The following SUSD1 variants were observed in gnomAD, a reference collection of about 807,000 sequenced individuals.
The protein encoded by SUSD1 is sushi domain containing 1.
A neutral mutation model predicts 86.9 loss-of-function variants in SUSD1; 65 were observed. The observed-to-expected ratio is 0.75, with a 90% confidence interval of 0.61 to 0.92. The LOEUF is 0.92. Ranked by LOEUF, SUSD1 falls within the 40% of genes least tolerant of loss-of-function variation. SUSD1 has a pLI of 0.00. For missense variants in SUSD1, 850 were observed against 929.7 expected (o/e 0.91, Z 1.11); for synonymous variants, 346 against 350.0 (o/e 0.99, Z 0.13).
rs1589562132 is a variant in SUSD1, at chr9:112,041,805, G to C, written c.2243+62C>G. Reference sequence around the variant, plus strand: ...CTCCCCTCATCCCCAGCTGTTCTTCGTGACTCTGACCCATCCTCCCCTCCA... The same window carrying C: ...CTCCCCTCATCCCCAGCTGTTCTTCCTGACTCTGACCCATCCTCCCCTCCA... On this transcript the variant is annotated intron_variant, in intron 16 of 16. Coordinates refer to ENST00000374270, the MANE Select transcript of SUSD1 (RefSeq NM_022486.5). 4.0e-6 allele frequency: 6 copies of C among 1,516,560 alleles called. 1 individual carries two copies. Among genetic ancestry groups the C allele is most frequent in the East Asian group, 2.4e-5 (1 of 41,586 alleles). The allele number at this position is 1,516,560 out of a possible 1,614,324, so 93.9% of individuals were successfully genotyped here.
rs761116149 is a variant in SUSD1, at chr9:112,098,566, C to G, written c.1378G>C (p.Asp460His). The change falls in exon 10 of 17, where the codon GAT becomes CAT. Residue 460 changes from aspartate (D) to histidine (H), a missense_variant. Physicochemically the swap from Asp to His is moderately conservative, Grantham distance 81 (BLOSUM62 -1). Transcript: ENST00000374270. ...TREQVPVVCL[D>H]LYPTTDYTVN... is the part of the protein sequence containing the mutation. ...GTATAATCAGTCGTAGGGTACAGAT[C>G]CAAACACACTACAGGCACTTGTTCC... 2 of 1,614,150 alleles carry G rather than the reference C, an allele frequency of 1.2e-6. No individual in the cohort carries two copies. Among genetic ancestry groups the G allele is most frequent in the South Asian group, 1.1e-5 (1 of 91,084 alleles).
At chr9:112,092,518 A>G (rs1220448133) in intron 10 of SUSD1, among the ~76,000 whole-genome samples, 1 of 152,184 alleles carries the variant, frequency 6.6e-6, no homozygotes, top group Non-Finnish European at 1.5e-5. Flanking sequence ...CTCAAACCTA[A>G]ATTTTAGAGG....
chr9:112,140,459 G>C (rs1404933715), intron 5 of SUSD1, among the ~76,000 whole-genome samples: 1 of 151,134 alleles, frequency 6.6e-6, no homozygotes, highest in East Asian at 1.9e-4. Flanking sequence ...AGGATGGCTT[G>C]AGCCCAGGAG....
chr9:112,173,533 G>C (rs73542604), intron 1 of SUSD1: 7,954 of 294,480 alleles, frequency 0.027, 420 homozygotes, highest in Admixed American at 0.1. Context: ...TACTCTGAAG[G>C]CTTTGTAGGG....
intron 6 of SUSD1, among the ~76,000 whole-genome samples, chr9:112,121,942 T>C (rs994588574): frequency 6.6e-6 from 1 of 152,352 alleles, no homozygotes; most frequent in African/African-American, 2.4e-5. Flanking sequence ...GATCTTCACA[T>C]GAGGCTAACA....
At chr9:112,079,535 C>T (rs182131831) in intron 11 of SUSD1, among the ~76,000 whole-genome samples, 7 of 152,006 alleles carry the variant, frequency 4.6e-5, no homozygotes, top group East Asian at 1.9e-4. Context: ...CCTGACACTT[C>T]GGCCAAGAGA....
At position 112,102,305 on chromosome 9, in the gene SUSD1, GTT is replaced by G; in HGVS notation, c.1172-22_1172-21del. The G allele has an allele frequency of 7.2e-7, 1 of 1,397,732 alleles. No individual in the cohort carries two copies. Among genetic ancestry groups the G allele is most frequent in the Non-Finnish European group, 9.9e-7 (1 of 1,009,852 alleles). The allele number at this position is 1,397,732 out of a possible 1,614,324, so 86.6% of individuals were successfully genotyped here. A position where few individuals can be genotyped will look rare whatever the true frequency, so the allele number is the denominator to read the frequency against. On this transcript the variant is annotated intron_variant, in intron 8 of 16. Coordinates refer to ENST00000374270, the MANE Select transcript of SUSD1 (RefSeq NM_022486.5). ...CAACTTCTAAAAGACAAGAGAGAGA[GTT>G]ATAGACAGCTTGCACCATCTTAGCA...
At chr9:112,165,804 G>A (rs866240948) in intron 1 of SUSD1, among the ~76,000 whole-genome samples, 5 of 128,086 alleles carry the variant, frequency 3.9e-5, no homozygotes, top group Middle Eastern at 4.5e-3. Context: ...AAGAGAGAAA[G>A]AGAGAGAGAG....
At chr9:112,083,458 C>T (rs1371079891) in intron 10 of SUSD1, among the ~76,000 whole-genome samples, 1 of 152,158 alleles carries the variant, frequency 6.6e-6, no homozygotes, top group Non-Finnish European at 1.5e-5. Flanking sequence ...GAACTCCTGA[C>T]CTCAAGTGAT....
intron 2 of SUSD1, among the ~76,000 whole-genome samples, chr9:112,156,841 T>C (rs1008779390): frequency 2.0e-5 from 3 of 152,194 alleles, no homozygotes; most frequent in Non-Finnish European, 2.9e-5. Context: ...TGGGAGGAAA[T>C]TGGAAGATTA....
intron 12 of SUSD1, among the ~76,000 whole-genome samples, chr9:112,066,041 C>T (rs1393584327): frequency 1.8e-4 from 27 of 152,192 alleles, no homozygotes; most frequent in Non-Finnish European, 4.4e-5. Context: ...GAAATCAAGG[C>T]TCAGGCAGGC....
chr9:112,135,964 G>A (rs1832246003), intron 5 of SUSD1, among the ~76,000 whole-genome samples: 1 of 152,144 alleles, frequency 6.6e-6, no homozygotes, highest in African/African-American at 2.4e-5. Flanking sequence ...AAACTTACAC[G>A]GGTCTTTCTG....
intron 8 of SUSD1, among the ~76,000 whole-genome samples, chr9:112,110,249 T>C (rs1280119271): frequency 2.0e-5 from 3 of 152,148 alleles, no homozygotes; most frequent in Non-Finnish European, 2.9e-5. Context: ...CTCAGAAGGC[T>C]GAGGCAGGAG....
Position 112,112,887 on chromosome 9 carries a change from G to A in SUSD1, c.887-19C>T. 1 of 1,544,136 alleles carries A rather than the reference G, an allele frequency of 6.5e-7. No individual in the cohort carries two copies. Among genetic ancestry groups the A allele is most frequent in the Non-Finnish European group, 9.0e-7 (1 of 1,116,836 alleles). ...AGAATTTCTAAAAGAGAAAAAGGCA[G>A]TCAACTCACAAAATGCATCAATGGG... On this transcript the variant is annotated intron_variant, in intron 6 of 16. Transcript: ENST00000374270.
intron 10 of SUSD1, among the ~76,000 whole-genome samples, chr9:112,087,179 T>C (rs954696308): frequency 6.6e-6 from 1 of 152,122 alleles, no homozygotes; most frequent in Non-Finnish European, 1.5e-5. Context: ...AAACTTCTTT[T>C]TTTCTTTTTT....
intron 12 of SUSD1, among the ~76,000 whole-genome samples, chr9:112,075,294 T>G (rs576142034): frequency 2.4e-4 from 37 of 152,344 alleles, no homozygotes; most frequent in African/African-American, 8.9e-4. Context: ...TTTAAAATTT[T>G]GGGCTGTTAT....
Position 112,062,957 on chromosome 9 carries a change from C to A in SUSD1, c.1830G>T (p.Lys610Asn). The A allele has an allele frequency of 6.2e-7, 1 of 1,612,622 alleles. No homozygotes were observed. Among genetic ancestry groups the A allele is most frequent in the Non-Finnish European group, 8.5e-7 (1 of 1,179,102 alleles). Residue 610 changes from lysine to asparagine, a missense_variant, in exon 13 of 17, where the codon AAG becomes AAT. Physicochemically the swap from Lys to Asn is moderately conservative, Grantham distance 94. Transcript: ENST00000374270. ...PLPRLRLRKA[K>N]EKNGPISSYQ... ...CTGACCTGATTGGTCCATTTTTCTC[C>A]TTGGCTTTCCTCAGTCTGAGGCGTG...
Position 112,103,632 on chromosome 9 carries a change from G to A in SUSD1, c.1172-1347C>T, listed in dbSNP as rs543356352. On this transcript the variant is annotated intron_variant, in intron 8 of 16. Coordinates refer to ENST00000374270, the MANE Select transcript of SUSD1 (RefSeq NM_022486.5). ...AAGGCATCTGGCTCCCACTTCCCAC[G>A]CCCAAGCCTGACAGAAGTGATGGAG... Among the ~76,000 whole-genome samples the A allele has an allele frequency of 1.5e-4, 23 of 152,252 alleles. No individual in the cohort carries two copies. In the South Asian group the frequency reaches 3.3e-3, roughly 22 times the overall value.
rs561366732 is a variant in SUSD1 at position 112,060,505 on chromosome 9, TG to T, written c.1851-1820del. Among the ~76,000 whole-genome samples the T allele has an allele frequency of 4.6e-5, 7 of 152,356 alleles. No individual in the cohort carries two copies. The East Asian group carries it at 1.3e-3, about 29-fold the overall frequency. Reference sequence around the variant, plus strand: ...GTCTTGAACTCCTGACCTCTTTAGCTGGGGGAAGTTGTTGCACGTATCACTG... The same window carrying T: ...GTCTTGAACTCCTGACCTCTTTAGCTGGGGAAGTTGTTGCACGTATCACTG... On this transcript the variant is annotated intron_variant, in intron 13 of 16. Coordinates refer to ENST00000374270, the MANE Select transcript of SUSD1 (RefSeq NM_022486.5).
Sources: gnomAD v4.1 joint callset for allele counts (sites outside exome capture counted in the v4.1 genomes callset) on GRCh38, gnomAD v4.1.1 for gene constraint, MANE v1.5 for transcripts, NCBI Gene and HGNC (gene_info 2026-07-23, HGNC 2026-07-21) for gene names.